The following EPB41 variants were observed in gnomAD, a reference collection of about 807,000 sequenced individuals.
EPB41 encodes the protein protein 4.1.
In EPB41, 65 loss-of-function variants were observed where a neutral mutation model predicts 108.0. The ratio of observed to expected loss-of-function variants is 0.60; its 90% CI spans 0.49 to 0.74. EPB41 has a LOEUF of 0.74. EPB41 is among the 30% of genes least tolerant of loss of function. The pLI is 0.00. For missense variants in EPB41, 875 were observed against 1,037.0 expected (o/e 0.84, Z 2.15); for synonymous variants, 336 against 358.9 (o/e 0.94, Z 0.72).
At chr1:28,971,180 CTTTTTTT>C (rs1000130058) in intron 1 of EPB41, among the ~76,000 whole-genome samples, 4 of 66,330 alleles carry the variant, frequency 6.0e-5, no homozygotes, top group East Asian at 1.0e-3. Flanking sequence ...TTCTTTCTTT[CTTTTTTT>C]TTTTTTTTTT....
chr1:29,019,129 T>TTG (rs1216049990), intron 7 of EPB41, among the ~76,000 whole-genome samples: 1 of 152,134 alleles, frequency 6.6e-6, no homozygotes, highest in African/African-American at 2.4e-5. Flanking sequence ...AGAAAAGGTA[T>TTG]TGTGGGCTGA....
At chr1:29,088,257 G>A (rs1416920202) in intron 16 of EPB41, among the ~76,000 whole-genome samples, 1 of 151,892 alleles carries the variant, frequency 6.6e-6, no homozygotes. Flanking sequence ...ATGTTGGCTA[G>A]GCTGGTCCTA....
At chr1:28,937,668 C>T (rs1024890124) in intron 1 of EPB41, among the ~76,000 whole-genome samples, 18 of 152,216 alleles carry the variant, frequency 1.2e-4, no homozygotes, top group African/African-American at 4.3e-4. Context: ...CCTGGGATTA[C>T]AGGCGTGAGC....
intron 2 of EPB41, among the ~76,000 whole-genome samples, chr1:28,989,957 G>A (rs7513398): frequency 0.12 from 18,697 of 151,950 alleles, 1,584 homozygotes; most frequent in African/African-American, 0.25. Context: ...AATACCAAAA[G>A]AATTAAATTA....
chr1:29,048,662 C>G (rs189298910), intron 11 of EPB41, among the ~76,000 whole-genome samples: 1 of 152,292 alleles, frequency 6.6e-6, no homozygotes, highest in Non-Finnish European at 1.5e-5. Context: ...AGAAGGGAAT[C>G]CGGGACAATT....
intron 1 of EPB41, among the ~76,000 whole-genome samples, chr1:28,935,438 AAC>A (rs375817878): frequency 3.7e-3 from 193 of 52,106 alleles, no homozygotes; most frequent in Non-Finnish European, 5.2e-3. Context: ...CCTGTCTCAA[AAC>A]ACACACACAC....
chr1:28,916,630 G>C (rs574934920), intron 1 of EPB41, among the ~76,000 whole-genome samples: 10 of 152,114 alleles, frequency 6.6e-5, no homozygotes, highest in South Asian at 6.2e-4. Flanking sequence ...GAGCAAAACT[G>C]TCTCAAAAAA....
At chr1:29,003,731 C>T (rs1453618340) in intron 4 of EPB41, among the ~76,000 whole-genome samples, 2 of 152,232 alleles carry the variant, frequency 1.3e-5, no homozygotes, top group East Asian at 1.9e-4. Flanking sequence ...CTACTGACTG[C>T]GTGATAATGG....
intron 16 of EPB41, among the ~76,000 whole-genome samples, chr1:29,075,598 A>C (rs1445105260): frequency 6.6e-6 from 1 of 152,232 alleles, no homozygotes; most frequent in African/African-American, 2.4e-5. Context: ...GAAGGCATAG[A>C]GTCTCAACTA....
At position 29,058,569 on chromosome 1, in the gene EPB41, C is replaced by G. The variant is rs1387142242; in HGVS notation, c.1846-20C>G. On this transcript the variant is annotated intron_variant, in intron 12 of 20. Coordinates refer to ENST00000343067, the MANE Select transcript of EPB41 (RefSeq NM_001376013.1). ...CTACTAACCTAAAATGTTTTTACTA[C>G]TTTTATTTCTTAAATGTAGGTGGAA... The G allele has an allele frequency of 1.2e-6, 2 of 1,609,318 alleles. No individual in the cohort carries two copies. Among genetic ancestry groups the G allele is most frequent in the Non-Finnish European group, 1.7e-6 (2 of 1,176,800 alleles).
intron 1 of EPB41, among the ~76,000 whole-genome samples, chr1:28,947,902 C>G (rs1264472564): frequency 1.3e-5 from 2 of 152,082 alleles, no homozygotes; most frequent in African/African-American, 4.8e-5. Flanking sequence ...TTAGTTCTTG[C>G]TAACCAGCGA....
At chr1:29,109,686 C>T (rs1045939683) in intron 18 of EPB41, 8 of 527,414 alleles carry the variant, frequency 1.5e-5, no homozygotes, top group African/African-American at 1.3e-4. Context: ...GTTCTCTTTA[C>T]ACATCTGTCT....
At chr1:28,915,157 C>G (rs1187643915) in intron 1 of EPB41, among the ~76,000 whole-genome samples, 1 of 152,182 alleles carries the variant, frequency 6.6e-6, no homozygotes, top group African/African-American at 2.4e-5. Context: ...GTGTTGCGTG[C>G]AGCCGCGGAG....
rs1398429462 is a variant in EPB41 at position 28,929,851 on chromosome 1, T to C, written c.-8+15083T>C. Among the ~76,000 whole-genome samples the C allele has an allele frequency of 6.9e-4, 100 of 144,356 alleles. 1 individual carries two copies. The highest frequency in any genetic ancestry group is 2.6e-4 in the Non-Finnish European group (17 of 65,896). The allele number at this position is 144,356 out of a possible 152,430, so 94.7% of individuals were successfully genotyped here. A position where few individuals can be genotyped will look rare whatever the true frequency, so the allele number is the denominator to read the frequency against. Reference sequence around the variant, plus strand: ...GCCTGGCACTGGGCCTTCTTTTTTTTTTTTTTTTTTTTTTTTAAAGACTTT... The same window carrying C: ...GCCTGGCACTGGGCCTTCTTTTTTTCTTTTTTTTTTTTTTTTAAAGACTTT... On this transcript the variant is annotated intron_variant, in intron 1 of 20. Coordinates refer to ENST00000343067, the MANE Select transcript of EPB41 (RefSeq NM_001376013.1).
chr1:29,112,216 G>T (rs1669414463), intron 18 of EPB41, 152 bp from the exon 19 acceptor site: 3 of 652,558 alleles, frequency 4.6e-6, no homozygotes, highest in South Asian at 1.7e-5. Flanking sequence ...GCCCAGGCTG[G>T]TCTCAAACTC....
Position 28,953,176 on chromosome 1 carries a change from C to T in EPB41, c.-7-34255C>T, listed in dbSNP as rs893430011. ...AAGTTTCTTTCAGTCCATAGGTATA[C>T]TCTTATCTCTCTCTCTCTTTTTCTT... On this transcript the variant is annotated intron_variant, in intron 1 of 20. Transcript: ENST00000343067. Among the ~76,000 whole-genome samples the T allele has an allele frequency of 1.3e-4, 19 of 151,864 alleles. No homozygotes were observed. The East Asian group carries it at 3.5e-3, about 28-fold the overall frequency.
chr1:29,065,305 A>C, intron 16 of EPB41, 147 bp downstream of exon 16: 1 of 1,354,068 alleles, frequency 7.4e-7, no homozygotes, highest in African/African-American at 1.5e-5. Context: ...GGCATTTGTA[A>C]TCAAATATTT....
intron 17 of EPB41, among the ~76,000 whole-genome samples, chr1:29,102,315 A>C (rs2151561660): frequency 6.6e-6 from 1 of 152,300 alleles, no homozygotes; most frequent in East Asian, 1.9e-4. Flanking sequence ...GTGAACAAGC[A>C]TGGTGCACTA....
At chr1:29,111,575 C>A (rs1163913189) in intron 18 of EPB41, among the ~76,000 whole-genome samples, 5 of 151,974 alleles carry the variant, frequency 3.3e-5, no homozygotes, top group African/African-American at 9.7e-5. Flanking sequence ...ATGGTGTGAA[C>A]CCAGTAGACA....
Sources: allele counts gnomAD v4.1 joint callset (sites outside exome capture counted in the v4.1 genomes callset), GRCh38; gene constraint gnomAD v4.1.1; transcripts MANE v1.5; gene names NCBI Gene and HGNC (gene_info 2026-07-23, HGNC 2026-07-21).